CSNK1G1: variants seen among roughly 807,000 people sequenced by gnomAD.
CSNK1G1 encodes the protein casein kinase 1 gamma 1, also known as casein kinase I isoform gamma-1.
In CSNK1G1, 22 loss-of-function variants were observed where a neutral mutation model predicts 59.6. The ratio of observed to expected loss-of-function variants is 0.37; its 90% CI spans 0.26 to 0.53. The LOEUF (loss-of-function observed/expected upper bound fraction) is 0.53, where lower values mean the gene tolerates loss of function less well. CSNK1G1 is among the 20% of genes least tolerant of loss of function. CSNK1G1 has a pLI of 0.89. For synonymous variants in CSNK1G1, 179 were observed against 177.1 expected, an observed-to-expected ratio of 1.01 and a Z score of -0.08; for missense variants, 384 against 519.5, an observed-to-expected ratio of 0.74 and a Z score of 2.54.
chr15:64,300,350 T>G lies in CSNK1G1; in HGVS notation c.150A>C (p.Ile50=). ...TGAGCTCTCCGAAGTTCCCACATCC[T>G]ATCTTCTTGCCAACCCTGAAGTTGG... is the stretch of plus-strand genomic sequence containing the variant. ...VGPNFRVGKK[I]GCGNFGELRL... Residue 50 remains isoleucine (I), a synonymous_variant, in exon 2 of 12, where the codon ATA becomes ATC. Transcript: ENST00000303052. The G allele has an allele frequency of 6.2e-7, 1 of 1,614,216 alleles. No homozygotes were observed. The highest frequency in any genetic ancestry group is 8.5e-7 in the Non-Finnish European group (1 of 1,180,024).
At chr15:64,212,212 T>C (rs1038059107) in intron 6 of CSNK1G1, among the ~76,000 whole-genome samples, 1 of 152,212 alleles carries the variant, frequency 6.6e-6, no homozygotes, top group Admixed American at 6.5e-5. Flanking sequence ...CTAGTCTAAT[T>C]TTAAAGTATT....
At chr15:64,346,266 C>T (rs968443824) in intron 1 of CSNK1G1, among the ~76,000 whole-genome samples, 1 of 150,264 alleles carries the variant, frequency 6.7e-6, no homozygotes, top group Non-Finnish European at 1.5e-5. Flanking sequence ...CAATTGGTCA[C>T]CCATGTGCAT....
intron 2 of CSNK1G1, among the ~76,000 whole-genome samples, chr15:64,272,992 C>T (rs1893406209): frequency 6.6e-6 from 1 of 152,210 alleles, no homozygotes; most frequent in African/African-American, 2.4e-5. Context: ...GCATGAGCCA[C>T]TGTGCCTGGC....
intron 10 of CSNK1G1, among the ~76,000 whole-genome samples, chr15:64,191,759 A>G (rs984754966): frequency 2.6e-5 from 4 of 152,248 alleles, no homozygotes; most frequent in African/African-American, 7.2e-5. Flanking sequence ...AAAACACACT[A>G]TACCATACTA....
intron 11 of CSNK1G1, among the ~76,000 whole-genome samples, chr15:64,174,159 G>GT (rs2081712428): frequency 6.6e-6 from 1 of 152,264 alleles, no homozygotes; most frequent in African/African-American, 2.4e-5. Flanking sequence ...TTACAATACT[G>GT]TTTAGGTCCA....
chr15:64,274,209 A>G (rs1195233379), intron 2 of CSNK1G1, among the ~76,000 whole-genome samples: 4 of 152,348 alleles, frequency 2.6e-5, no homozygotes, highest in African/African-American at 4.8e-5. Context: ...CATTGCCTCA[A>G]ATGAATTTCT....
In CSNK1G1 at chr15:64,289,937, C is replaced by T. The variant is rs115135568; in HGVS notation, c.181+10382G>A. 1.7e-3 allele frequency among the ~76,000 whole-genome samples: 253 copies of T among 152,130 alleles called. 2 individuals are homozygous for T. Among genetic ancestry groups the T allele is most frequent in the African/African-American group, 5.8e-3 (239 of 41,516 alleles). On this transcript the variant is annotated intron_variant, in intron 2 of 11. Transcript: ENST00000303052. Reference sequence around the variant, plus strand: ...ATCAGCAGAGAGATGCAAATTAAAACCACAATAAGATATAATTTTATACCA... The same window carrying T: ...ATCAGCAGAGAGATGCAAATTAAAATCACAATAAGATATAATTTTATACCA...
At chr15:64,263,723 T>A (rs1416940013) in intron 2 of CSNK1G1, among the ~76,000 whole-genome samples, 3 of 151,724 alleles carry the variant, frequency 2.0e-5, no homozygotes, top group Non-Finnish European at 4.4e-5. Flanking sequence ...CCTAACCATC[T>A]GTGTTTCAGC....
At chr15:64,246,162 T>C (rs768086957) in intron 4 of CSNK1G1, among the ~76,000 whole-genome samples, 2 of 152,180 alleles carry the variant, frequency 1.3e-5, no homozygotes, top group Non-Finnish European at 2.9e-5. Flanking sequence ...GACTTGATAA[T>C]TACACATAGA....
intron 4 of CSNK1G1, among the ~76,000 whole-genome samples, chr15:64,238,438 A>C (rs2082644656): frequency 6.9e-6 from 1 of 144,932 alleles, no homozygotes; most frequent in South Asian, 2.2e-4. Flanking sequence ...GGCTGCAGTA[A>C]GCTATGATCA....
intron 4 of CSNK1G1, among the ~76,000 whole-genome samples, chr15:64,235,320 C>T (rs746155663): frequency 2.6e-5 from 4 of 152,186 alleles, no homozygotes; most frequent in Non-Finnish European, 4.4e-5. Context: ...AGCTGCTCTA[C>T]CTCCTCTTAA....
intron 1 of CSNK1G1, among the ~76,000 whole-genome samples, chr15:64,305,155 C>T (rs559728401): frequency 7.2e-5 from 11 of 152,150 alleles, no homozygotes; most frequent in African/African-American, 2.4e-4. Flanking sequence ...GGTTTTTGTA[C>T]CAACATCTGT....
At chr15:64,265,646 C>G (rs1199807857) in intron 2 of CSNK1G1, 1 of 340,672 alleles carries the variant, frequency 2.9e-6, no homozygotes, top group Non-Finnish European at 5.7e-6. Context: ...GAAGACAATC[C>G]CATTTACAAT....
intron 4 of CSNK1G1, among the ~76,000 whole-genome samples, chr15:64,219,446 A>T (rs866808981): frequency 5.9e-5 from 9 of 152,216 alleles, no homozygotes; most frequent in Admixed American, 3.9e-4. Context: ...TTGCATGCCC[A>T]ATATCCATTC....
chr15:64,270,154 T>C (rs1029557835), intron 2 of CSNK1G1, among the ~76,000 whole-genome samples: 1 of 152,202 alleles, frequency 6.6e-6, no homozygotes, highest in Non-Finnish European at 1.5e-5. Flanking sequence ...AACATCCCCT[T>C]CATAATTTCT....
At chr15:64,300,030 A>T (rs1895239700) in intron 2 of CSNK1G1, among the ~76,000 whole-genome samples, 1 of 152,182 alleles carries the variant, frequency 6.6e-6, no homozygotes, top group South Asian at 2.1e-4. Flanking sequence ...AGACATCCTA[A>T]ATCAGAGTCT....
chr15:64,310,064 G>A (rs1895908786), intron 1 of CSNK1G1, among the ~76,000 whole-genome samples: 1 of 151,940 alleles, frequency 6.6e-6, no homozygotes, highest in African/African-American at 2.4e-5. Context: ...AGTGAGCTGT[G>A]ATCACACCAC....
intron 2 of CSNK1G1, among the ~76,000 whole-genome samples, chr15:64,293,352 T>G (rs537366283): frequency 6.6e-6 from 1 of 152,336 alleles, no homozygotes; most frequent in African/African-American, 2.4e-5. Context: ...CAAATATGTG[T>G]AAGTATGTTT....
Position 64,168,915 on chromosome 15 carries a change from T to C in CSNK1G1, c.*3016A>G, listed in dbSNP as rs1026238321. On this transcript the variant is annotated 3_prime_UTR_variant, in exon 12 of 12. Transcript: ENST00000303052. ...GCCAATGGCTCTGGAGGGATCACCA[T>C]TACTCTGCATGCTAAAGGGACCTGG... 3 of 152,510 alleles carry C rather than the reference T, an allele frequency of 2.0e-5. No individual in the cohort carries two copies. Among genetic ancestry groups the C allele is most frequent in the African/African-American group, 2.4e-5 (1 of 41,452 alleles). The allele number at this position is 152,510 out of a possible 1,614,324, so 9.4% of individuals were successfully genotyped here. A position where few individuals can be genotyped will look rare whatever the true frequency, so the allele number is the denominator to read the frequency against.
Sources: allele counts gnomAD v4.1 joint callset (sites outside exome capture counted in the v4.1 genomes callset), GRCh38; gene constraint gnomAD v4.1.1; transcripts MANE v1.5; gene names NCBI Gene and HGNC (gene_info 2026-07-23, HGNC 2026-07-21).